Variants in WNT7A observed in about 807,000 individuals in gnomAD.
WNT7A encodes the protein Wnt family member 7A, also known as protein Wnt-7a.
In WNT7A, 16 loss-of-function variants were observed where a neutral mutation model predicts 28.2. The ratio of observed to expected loss-of-function variants is 0.57; its 90% confidence interval spans 0.38 to 0.86. WNT7A has a LOEUF of 0.86. WNT7A is among the 40% of genes least tolerant of loss of function. The pLI is 0.00. For synonymous variants in WNT7A, 190 were observed against 195.9 expected (o/e 0.97, Z 0.25); for missense variants, 411 against 489.7 (o/e 0.84, Z 1.52).
chr3:13,852,256 C>T (rs1694651087), intron 3 of WNT7A, among the ~76,000 whole-genome samples: 1 of 152,376 alleles, frequency 6.6e-6, no homozygotes, highest in Admixed American at 6.5e-5. Flanking sequence ...CAACAAGCCC[C>T]AGAGCCTGTG....
chr3:13,865,698 G>A (rs1243964474), intron 2 of WNT7A, among the ~76,000 whole-genome samples: 7 of 152,262 alleles, frequency 4.6e-5, no homozygotes, highest in South Asian at 2.1e-4. Context: ...TCAAGGGCTC[G>A]GAGCAACTGG....
At chr3:13,879,539 C>T (rs1445729529) in intron 1 of WNT7A, among the ~76,000 whole-genome samples, 1 of 152,180 alleles carries the variant, frequency 6.6e-6, no homozygotes, top group East Asian at 1.9e-4. Context: ...CTCAGACGTC[C>T]TCAGGATGGC....
chr3:13,845,409 A>G (rs1220822838), intron 3 of WNT7A, among the ~76,000 whole-genome samples: 1 of 152,216 alleles, frequency 6.6e-6, no homozygotes, highest in Non-Finnish European at 1.5e-5. Flanking sequence ...GTGAAATAGA[A>G]TTTTTAATCT....
At chr3:13,856,166 C>T (rs1475121002) in intron 2 of WNT7A, among the ~76,000 whole-genome samples, 1 of 152,188 alleles carries the variant, frequency 6.6e-6, no homozygotes, top group Non-Finnish European at 1.5e-5. Context: ...GCCATGCCAG[C>T]CCACCCATGG....
chr3:13,851,597 C>T (rs1470760815), intron 3 of WNT7A, among the ~76,000 whole-genome samples: 1 of 152,190 alleles, frequency 6.6e-6, no homozygotes, highest in Non-Finnish European at 1.5e-5. Flanking sequence ...AGCCCTGAAT[C>T]ACAATTTTTG....
At position 13,863,758 on chromosome 3, in the gene WNT7A, G is replaced by C. The variant is rs935248127; in HGVS notation, c.299-8955C>G. The stretch of plus-strand genomic sequence containing the variant: ...TTGCTTCTGTCTCTCTCACTGGAAA[G>C]GTCTTCAAATCCATCCTTCTAAGCA... On this transcript the variant is annotated intron_variant, in intron 2 of 3. Coordinates refer to ENST00000285018, the MANE Select transcript of WNT7A (RefSeq NM_004625.4). 4.6e-5 allele frequency: 7 copies of C among 152,300 alleles called. No individual in the cohort carries two copies. The East Asian group carries it at 9.6e-4, about 21-fold the overall frequency. The allele number at this position is 152,300 out of a possible 1,614,324, so 9.4% of individuals were successfully genotyped here.
At chr3:13,835,779 C>T (rs1694357271) in intron 3 of WNT7A, among the ~76,000 whole-genome samples, 1 of 152,218 alleles carries the variant, frequency 6.6e-6, no homozygotes, top group Non-Finnish European at 1.5e-5. Flanking sequence ...CTCAAATGTC[C>T]ATCAATGGAT....
chr3:13,861,976 A>T (rs539935392), intron 2 of WNT7A, among the ~76,000 whole-genome samples: 1 of 152,174 alleles, frequency 6.6e-6, no homozygotes, highest in Admixed American at 6.5e-5. Flanking sequence ...CCCTCCTGTG[A>T]TATCCCAGGT....
chr3:13,853,263 A>C (rs1408905835), intron 3 of WNT7A, among the ~76,000 whole-genome samples: 1 of 152,240 alleles, frequency 6.6e-6, no homozygotes, highest in Non-Finnish European at 1.5e-5. Flanking sequence ...AAGCCACGGA[A>C]CAAGGCAAAC....
rs181422753 is a variant in WNT7A at position 13,849,486 on chromosome 3, A to G, written c.570+5046T>C. On this transcript the variant is annotated intron_variant, in intron 3 of 3. Coordinates refer to ENST00000285018, the MANE Select transcript of WNT7A (RefSeq NM_004625.4). ...CCCCAAGACAGAGCAAGCACTTGCC[A>G]TATCATTTGTTCACTCAACAAATAT... Among the ~76,000 whole-genome samples, 8 of 152,342 alleles carry G rather than the reference A, an allele frequency of 5.3e-5. No individual in the cohort carries two copies. In the East Asian group the frequency reaches 7.7e-4, roughly 15 times the overall value.
At chr3:13,830,108 A>G (rs1336640181) in intron 3 of WNT7A, among the ~76,000 whole-genome samples, 1 of 151,696 alleles carries the variant, frequency 6.6e-6, no homozygotes, top group Non-Finnish European at 1.5e-5. Flanking sequence ...TCCCATCCAC[A>G]TTGCTGGTAC....
intron 3 of WNT7A, among the ~76,000 whole-genome samples, chr3:13,839,430 G>T (rs1694422541): frequency 6.6e-6 from 1 of 152,214 alleles, no homozygotes; most frequent in Admixed American, 6.5e-5. Flanking sequence ...TGATGCCTTT[G>T]GCCCTTAGTC....
intron 3 of WNT7A, among the ~76,000 whole-genome samples, chr3:13,826,469 A>T (rs1694198168): frequency 6.6e-6 from 1 of 152,194 alleles, no homozygotes; most frequent in Admixed American, 6.5e-5. Flanking sequence ...GGGAAAAGGC[A>T]TTTCAGATTG....
chr3:13,836,195 G>GT (rs377560699), intron 3 of WNT7A, among the ~76,000 whole-genome samples: 9 of 126,034 alleles, frequency 7.1e-5, no homozygotes, highest in Non-Finnish European at 1.4e-4. Context: ...AGTAAAGCTG[G>GT]TTTTTAAAAA....
intron 2 of WNT7A, among the ~76,000 whole-genome samples, chr3:13,862,628 C>T (rs1484560937): frequency 6.6e-6 from 1 of 152,240 alleles, no homozygotes; most frequent in Non-Finnish European, 1.5e-5. Context: ...ACCAGGGAGC[C>T]TCTCAATGAA....
chr3:13,845,943 C>G (rs993809756), intron 3 of WNT7A, among the ~76,000 whole-genome samples: 3 of 152,204 alleles, frequency 2.0e-5, no homozygotes, highest in African/African-American at 7.2e-5. Context: ...AGGAGGTGCC[C>G]TGGTCCCTGC....
At chr3:13,879,660 C>T in intron 1 of WNT7A, 86 bp downstream of exon 1, 1 of 1,470,092 alleles carries the variant, frequency 6.8e-7, no homozygotes, top group South Asian at 1.3e-5. Flanking sequence ...AGTTGGCCGG[C>T]AGAGGCTCGC....
chr3:13,836,262 C>T (rs1226965595), intron 3 of WNT7A, among the ~76,000 whole-genome samples: 2 of 151,418 alleles, frequency 1.3e-5, no homozygotes, highest in East Asian at 3.9e-4. Flanking sequence ...GGAACTTGGG[C>T]CATGGAGCAC....
intron 3 of WNT7A, among the ~76,000 whole-genome samples, chr3:13,848,950 G>A (rs1694585943): frequency 1.3e-5 from 2 of 152,228 alleles, no homozygotes; most frequent in Non-Finnish European, 1.5e-5. Flanking sequence ...AACACTTGAA[G>A]GAGGCTTGAG....
Sources: gnomAD v4.1 joint callset for allele counts (sites outside exome capture counted in the v4.1 genomes callset) on GRCh38, gnomAD v4.1.1 for gene constraint, MANE v1.5 for transcripts, NCBI Gene and HGNC (gene_info 2026-07-23, HGNC 2026-07-21) for gene names.